Variants in ELMO1 observed in about 807,000 individuals in gnomAD.
The protein encoded by ELMO1 is engulfment and cell motility protein 1.
ELMO1 carries 26 observed loss-of-function variants against 98.9 expected under a neutral mutation model. That is an observed-to-expected ratio of 0.26 (90% CI 0.19 to 0.36). ELMO1 has a LOEUF of 0.36. Ranked by LOEUF, ELMO1 falls within the 10% of genes least tolerant of loss-of-function variation. The probability of loss-of-function intolerance (pLI) is 1.00; values close to 1 mark genes in which losing one functional copy is unlikely to be tolerated. For synonymous variants in ELMO1, 346 were observed against 346.0 expected (o/e 1.00, Z 0.00); for missense variants, 627 against 935.2 (o/e 0.67, Z 4.30).
chr7:37,404,055 A>T (rs1803647911), intron 1 of ELMO1, among the ~76,000 whole-genome samples: 1 of 152,204 alleles, frequency 6.6e-6, no homozygotes. Context: ...AGTAAATCTA[A>T]TACTTCTAAA....
At chr7:37,167,659 T>C (rs1255929363) in intron 13 of ELMO1, among the ~76,000 whole-genome samples, 3 of 152,212 alleles carry the variant, frequency 2.0e-5, no homozygotes, top group Admixed American at 2.0e-4. Context: ...GAATGTTGAA[T>C]ATTGGCTCCC....
chr7:37,141,694 T>C (rs986664811), intron 13 of ELMO1, among the ~76,000 whole-genome samples: 1 of 152,232 alleles, frequency 6.6e-6, no homozygotes, highest in Non-Finnish European at 1.5e-5. Context: ...TAACATACTT[T>C]CATTTTGTCC....
At chr7:37,322,025 A>G (rs940813142) in intron 2 of ELMO1, among the ~76,000 whole-genome samples, 4 of 151,536 alleles carry the variant, frequency 2.6e-5, no homozygotes, top group African/African-American at 4.8e-5. Context: ...ACAGTCGGCT[A>G]ATTTTTGTAT....
At chr7:37,348,760 T>C (rs886580530) in intron 1 of ELMO1, among the ~76,000 whole-genome samples, 1 of 152,296 alleles carries the variant, frequency 6.6e-6, no homozygotes, top group African/African-American at 2.4e-5. Flanking sequence ...TCAACATGCC[T>C]CTTGCTGTAG....
chr7:37,140,895 T>C (rs946567109), intron 13 of ELMO1, among the ~76,000 whole-genome samples: 1 of 152,274 alleles, frequency 6.6e-6, no homozygotes, highest in East Asian at 1.9e-4. Flanking sequence ...GATGCTGGCA[T>C]AGACGCAGTG....
intron 12 of ELMO1, 46 bp from the exon 13 acceptor site, chr7:37,211,563 C>T: frequency 1.2e-6 from 2 of 1,601,178 alleles, no homozygotes; most frequent in African/African-American, 1.3e-5. Flanking sequence ...GAAAAAGCTG[C>T]TTTCATTGTG....
At chr7:37,113,058 G>A (rs1026199475) in intron 14 of ELMO1, among the ~76,000 whole-genome samples, 7 of 152,236 alleles carry the variant, frequency 4.6e-5, no homozygotes, top group African/African-American at 9.6e-5. Context: ...GGGGCATACC[G>A]ATATAGTTTC....
At chr7:37,171,569 T>C (rs1417623816) in intron 13 of ELMO1, among the ~76,000 whole-genome samples, 1 of 134,918 alleles carries the variant, frequency 7.4e-6, no homozygotes, top group Admixed American at 8.6e-5. Flanking sequence ...CTCGGCTCAC[T>C]GCAAGCTGAG....
At chr7:37,065,162 C>T (rs1193648364) in intron 15 of ELMO1, among the ~76,000 whole-genome samples, 2 of 152,004 alleles carry the variant, frequency 1.3e-5, no homozygotes, top group East Asian at 1.9e-4. Context: ...TATCTCTTCA[C>T]TCCCCTTCAT....
chr7:36,910,599 A>G (rs1784276718), intron 16 of ELMO1, among the ~76,000 whole-genome samples: 1 of 152,180 alleles, frequency 6.6e-6, no homozygotes, highest in African/African-American at 2.4e-5. Context: ...TGGCTTGCTC[A>G]CTTGCCATCT....
At chr7:37,127,059 T>TA (rs1193317238) in intron 14 of ELMO1, among the ~76,000 whole-genome samples, 2 of 152,220 alleles carry the variant, frequency 1.3e-5, no homozygotes, top group African/African-American at 4.8e-5. Flanking sequence ...TGTCTCACTG[T>TA]AATGCCAAGA....
chr7:36,864,759 T>A (rs1802898806), intron 20 of ELMO1, among the ~76,000 whole-genome samples: 1 of 152,196 alleles, frequency 6.6e-6, no homozygotes, highest in Admixed American at 6.5e-5. Flanking sequence ...CACTTAGACA[T>A]CGAATGTTCA....
intron 14 of ELMO1, among the ~76,000 whole-genome samples, chr7:37,102,605 A>T (rs1784699160): frequency 6.6e-6 from 1 of 152,242 alleles, no homozygotes; most frequent in African/African-American, 2.4e-5. Context: ...GCTAACATTT[A>T]TAGAAAGCAT....
chr7:37,338,539 A>T (rs140054914), intron 2 of ELMO1, among the ~76,000 whole-genome samples: 36 of 152,338 alleles, frequency 2.4e-4, no homozygotes, highest in African/African-American at 8.7e-4. Context: ...GTACTTTGTT[A>T]TAGCAGCTGA....
chr7:37,054,239 T>G (rs1392611123), intron 15 of ELMO1, among the ~76,000 whole-genome samples: 1 of 152,226 alleles, frequency 6.6e-6, no homozygotes, highest in Non-Finnish European at 1.5e-5. Context: ...TTACTTTCTC[T>G]TTTAATCATC....
At chr7:37,063,080 T>G (rs949905837) in intron 15 of ELMO1, among the ~76,000 whole-genome samples, 1 of 152,194 alleles carries the variant, frequency 6.6e-6, no homozygotes, top group Non-Finnish European at 1.5e-5. Context: ...ATACCTGTGG[T>G]GTACCTTACT....
At chr7:37,426,813 T>C (rs1441006386) in intron 1 of ELMO1, among the ~76,000 whole-genome samples, 3 of 152,236 alleles carry the variant, frequency 2.0e-5, no homozygotes, top group Admixed American at 1.3e-4. Context: ...AGTCTCATCC[T>C]AAACAAGGAA....
chr7:37,284,518 G>A (rs1264720789), intron 4 of ELMO1, among the ~76,000 whole-genome samples: 1 of 152,044 alleles, frequency 6.6e-6, no homozygotes, highest in Admixed American at 6.5e-5. Context: ...TGACATCGCT[G>A]GCTCTGAGCA....
At chr7:37,154,021 G>C (rs1788552133) in intron 13 of ELMO1, among the ~76,000 whole-genome samples, 1 of 152,184 alleles carries the variant, frequency 6.6e-6, no homozygotes, top group Non-Finnish European at 1.5e-5. Context: ...AGGCAAAAAG[G>C]GTCTGGAGTG....
Sources: allele counts gnomAD v4.1 joint callset (sites outside exome capture counted in the v4.1 genomes callset), GRCh38; gene constraint gnomAD v4.1.1; transcripts MANE v1.5; gene names NCBI Gene and HGNC (gene_info 2026-07-23, HGNC 2026-07-21).